VPS8: variants seen among roughly 807,000 people sequenced by gnomAD.
VPS8 encodes VPS8 subunit of CORVET complex, also known as vacuolar protein sorting-associated protein 8 homolog.
A neutral mutation model predicts 216.4 loss-of-function variants in VPS8; 129 were observed. The ratio of observed to expected loss-of-function variants is 0.60; its 90% CI spans 0.52 to 0.69. The LOEUF (loss-of-function observed/expected upper bound fraction) is 0.69, where lower values mean the gene tolerates loss of function less well. Ranked by LOEUF, VPS8 falls within the 30% of genes least tolerant of loss-of-function variation. The pLI, the probability that VPS8 is intolerant of heterozygous loss-of-function variation, is 0.00. For missense variants in VPS8, 1,531 were observed against 1,683.5 expected, an observed-to-expected ratio of 0.91 and a Z score of 1.59; for synonymous variants, 571 against 565.4, an observed-to-expected ratio of 1.01 and a Z score of -0.14.
intron 45 of VPS8, among the ~76,000 whole-genome samples, chr3:185,006,605 C>T (rs781435371): frequency 1.3e-5 from 2 of 152,152 alleles, no homozygotes; most frequent in African/African-American, 2.4e-5. Flanking sequence ...CTACTGTGAT[C>T]GTTTCTATTA....
chr3:184,855,686 T>C, intron 13 of VPS8, 25 bp from the exon 14 acceptor site: 1 of 1,560,110 alleles, frequency 6.4e-7, no homozygotes, highest in Non-Finnish European at 8.8e-7. Flanking sequence ...CTGTGATGAT[T>C]TTTTTTTTCC....
At position 184,851,696 on chromosome 3, in the gene VPS8, G is replaced by A. The variant is rs747724769; in HGVS notation, c.754-804G>A. Among the ~76,000 whole-genome samples, 3 of 152,270 alleles carry A rather than the reference G, an allele frequency of 2.0e-5. No individual in the cohort carries two copies. In the East Asian group the frequency reaches 5.8e-4, roughly 29 times the overall value. On this transcript the variant is annotated intron_variant, in intron 10 of 47. Coordinates refer to ENST00000625842, the MANE Select transcript of VPS8 (RefSeq NM_001009921.3). ...GTTGTGGGGCTTCTTAACTATGCGTGTGTTTGGGTCAAGGAAGAAGAATTT... is the reference window on the plus strand; with the variant it reads ...GTTGTGGGGCTTCTTAACTATGCGTATGTTTGGGTCAAGGAAGAAGAATTT...
chr3:184,979,994 A>G (rs1279080386), intron 40 of VPS8, among the ~76,000 whole-genome samples: 1 of 152,188 alleles, frequency 6.6e-6, no homozygotes, highest in East Asian at 1.9e-4. Flanking sequence ...TCTGGTGGTA[A>G]CGAATTTCCT....
intron 46 of VPS8, among the ~76,000 whole-genome samples, chr3:185,036,183 C>A (rs1361484869): frequency 6.6e-6 from 1 of 152,158 alleles, no homozygotes; most frequent in African/African-American, 2.4e-5. Context: ...GATGGCCATG[C>A]TGCCCAAAGC....
chr3:184,960,760 G>T (rs1413962581), intron 37 of VPS8, among the ~76,000 whole-genome samples: 1 of 152,104 alleles, frequency 6.6e-6, no homozygotes, highest in African/African-American at 2.4e-5. Flanking sequence ...CATGTCAAAG[G>T]TTTAAAAGAT....
At chr3:184,877,393 A>G (rs1560493102) in intron 21 of VPS8, among the ~76,000 whole-genome samples, 1 of 152,188 alleles carries the variant, frequency 6.6e-6, no homozygotes, top group Admixed American at 6.5e-5. Flanking sequence ...GAGAATTTTT[A>G]AAAATATATG....
At chr3:184,937,908 G>A (rs1330448513) in intron 35 of VPS8, among the ~76,000 whole-genome samples, 1 of 152,142 alleles carries the variant, frequency 6.6e-6, no homozygotes, top group African/African-American at 2.4e-5. Context: ...AATACGAAAC[G>A]GTTTCACATG....
At chr3:185,008,682 AAG>A (rs1754586060) in intron 45 of VPS8, among the ~76,000 whole-genome samples, 2 of 152,306 alleles carry the variant, frequency 1.3e-5, no homozygotes, top group South Asian at 4.1e-4. Context: ...AATTTCAGGC[AAG>A]AGAGAACAGC....
Position 184,824,620 on chromosome 3 carries a change from A to G in VPS8, c.-13A>G, listed in dbSNP as rs1175765635. 1 of 1,612,914 alleles carries G rather than the reference A, an allele frequency of 6.2e-7. No individual in the cohort carries two copies. Among genetic ancestry groups the G allele is most frequent in the Non-Finnish European group, 8.5e-7 (1 of 1,179,492 alleles). ...TTGCTTTGATGGACTGAATACTGTT[A>G]TTAGAAGTAAATATGGAAAATGAAC... On this transcript the variant is annotated 5_prime_UTR_variant, in exon 2 of 48. Transcript: ENST00000625842.
rs939721198 is a variant in VPS8 at position 184,981,494 on chromosome 3, C to T, written c.3421-1072C>T. 4.9e-5 allele frequency among the ~76,000 whole-genome samples: 7 copies of T among 142,220 alleles called. No homozygotes were observed. The South Asian group carries it at 6.8e-4, about 14-fold the overall frequency. The allele number at this position is 142,220 out of a possible 152,430, so 93.3% of individuals were successfully genotyped here. A position where few individuals can be genotyped will look rare whatever the true frequency, so the allele number is the denominator to read the frequency against. On this transcript the variant is annotated intron_variant, in intron 40 of 47. Coordinates refer to ENST00000625842, the MANE Select transcript of VPS8 (RefSeq NM_001009921.3). The stretch of plus-strand genomic sequence containing the variant: ...TCTTGCCCAGGCTGCAGTGCAATGG[C>T]GTGATCTCGGCTCACTGCAACCTCC...
intron 38 of VPS8, among the ~76,000 whole-genome samples, chr3:184,966,064 C>T (rs1424892468): frequency 1.3e-5 from 2 of 152,136 alleles, no homozygotes; most frequent in Admixed American, 6.6e-5. Flanking sequence ...GTTTATTTGG[C>T]TCACAGTTCT....
At position 184,912,311 on chromosome 3, in the gene VPS8, G is replaced by C. The variant is rs149293462; in HGVS notation, c.2147-1208G>C. Among the ~76,000 whole-genome samples the C allele has an allele frequency of 2.7e-3, 416 of 152,210 alleles. 2 individuals are homozygous for C. Among genetic ancestry groups the C allele is most frequent in the African/African-American group, 9.9e-3 (411 of 41,530 alleles). ...AAGAAGTCAAATATGCATTTGTCTT[G>C]GGATGGGCTGAGGAATAATTTATAG... On this transcript the variant is annotated intron_variant, in intron 25 of 47. Transcript: ENST00000625842.
chr3:184,894,131 C>G (rs1310106571), intron 22 of VPS8, among the ~76,000 whole-genome samples: 1 of 151,900 alleles, frequency 6.6e-6, no homozygotes, highest in Non-Finnish European at 1.5e-5. Context: ...CTTCTTCTTC[C>G]ATGAATAATC....
At position 185,052,090 on chromosome 3, in the gene VPS8, G is replaced by A. The variant is rs368402296; in HGVS notation, c.*65G>A. On this transcript the variant is annotated 3_prime_UTR_variant, in exon 48 of 48. Transcript: ENST00000625842. ...CCCGAGGCAGCTGGGGAGAGGCCCCGCCTCTGGTGGGCTTGGCCTCCACCA... is the reference window on the plus strand; with the variant it reads ...CCCGAGGCAGCTGGGGAGAGGCCCCACCTCTGGTGGGCTTGGCCTCCACCA... The A allele has an allele frequency of 3.0e-5, 45 of 1,511,744 alleles. No homozygotes were observed. The highest frequency in any genetic ancestry group is 8.6e-5 in the Admixed American group (4 of 46,302). 93.6% of individuals were successfully genotyped at this position (1,511,744 alleles called of 1,614,324 possible).
chr3:184,834,037 GT>G (rs1720545771), intron 4 of VPS8, among the ~76,000 whole-genome samples: 1 of 152,176 alleles, frequency 6.6e-6, no homozygotes, highest in Non-Finnish European at 1.5e-5. Flanking sequence ...TTGGGTAAAA[GT>G]TTAAAAGTTA....
intron 36 of VPS8, among the ~76,000 whole-genome samples, chr3:184,943,490 C>T (rs988903365): frequency 7.2e-5 from 11 of 152,122 alleles, no homozygotes; most frequent in South Asian, 2.1e-4. Context: ...GTACAGAATA[C>T]GGATATAGGG....
At chr3:184,933,529 G>GTT (rs1459283687) in intron 34 of VPS8, among the ~76,000 whole-genome samples, 2 of 150,210 alleles carry the variant, frequency 1.3e-5, no homozygotes, top group Non-Finnish European at 3.0e-5. Flanking sequence ...TTCGATCTTT[G>GTT]TGTGTGTGTG....
At chr3:184,929,936 G>A (rs1740389761) in intron 33 of VPS8, among the ~76,000 whole-genome samples, 1 of 152,196 alleles carries the variant, frequency 6.6e-6, no homozygotes, top group Non-Finnish European at 1.5e-5. Context: ...GACTTACACA[G>A]AGTAGCCAGG....
chr3:184,827,910 C>T (rs779242289), intron 3 of VPS8, among the ~76,000 whole-genome samples: 1 of 151,802 alleles, frequency 6.6e-6, no homozygotes, highest in Non-Finnish European at 1.5e-5. Context: ...CCAGGCAAGT[C>T]GTAAGTGGAA....
Sources: gnomAD v4.1 joint callset for allele counts (sites outside exome capture counted in the v4.1 genomes callset) on GRCh38, gnomAD v4.1.1 for gene constraint, MANE v1.5 for transcripts, NCBI Gene and HGNC (gene_info 2026-07-23, HGNC 2026-07-21) for gene names.